The following ECSIT variants were observed in gnomAD, a reference collection of about 807,000 sequenced individuals.
ECSIT encodes the protein evolutionarily conserved signaling intermediate in Toll pathway, mitochondrial.
In ECSIT, 29 loss-of-function variants were observed where a neutral mutation model predicts 36.8. The observed-to-expected ratio is 0.79, with a 90% CI of 0.59 to 1.08. ECSIT has a LOEUF of 1.08. Among genes scored for constraint, ECSIT ranks in the 50% least tolerant of loss-of-function variants. The probability of loss-of-function intolerance (pLI) is 0.00; values close to 1 mark genes in which losing one functional copy is unlikely to be tolerated. For synonymous variants in ECSIT, 231 were observed against 234.8 expected, an observed-to-expected ratio of 0.98 and a Z score of 0.15; for missense variants, 542 against 581.0, an observed-to-expected ratio of 0.93 and a Z score of 0.69.
chr19:11,526,154 A>G (rs1972212058), intron 1 of ECSIT, among the ~76,000 whole-genome samples: 1 of 152,016 alleles, frequency 6.6e-6, no homozygotes, highest in Non-Finnish European at 1.5e-5. Context: ...TAGTACAGAC[A>G]GGGTTTCACC....
At chr19:11,523,416 T>C (rs1972148906) in intron 1 of ECSIT, 2 of 607,054 alleles carry the variant, frequency 3.3e-6, no homozygotes, top group Non-Finnish European at 5.6e-6. Flanking sequence ...AAGATTCAGC[T>C]TCACCCATAA....
intron 4 of ECSIT, among the ~76,000 whole-genome samples, chr19:11,510,330 C>T (rs975938805): frequency 1.5e-4 from 23 of 151,792 alleles, no homozygotes; most frequent in Non-Finnish European, 3.1e-4. Context: ...TGTGCACCAC[C>T]ACTCCCAGCT....
At position 11,519,237 on chromosome 19, in the gene ECSIT, T is replaced by A; in HGVS notation, c.-23-44A>T. The A allele has an allele frequency of 1.5e-6, 2 of 1,379,104 alleles. No individual in the cohort carries two copies. The highest frequency in any genetic ancestry group is 2.0e-6 in the Non-Finnish European group (2 of 999,548). The allele number at this position is 1,379,104 out of a possible 1,614,324, so 85.4% of individuals were successfully genotyped here. A position where few individuals can be genotyped will look rare whatever the true frequency, so the allele number is the denominator to read the frequency against. On this transcript the variant is annotated intron_variant, in intron 1 of 7. Transcript: ENST00000270517. This position sits in a 1 kb window ranked among gnomAD's most constrained non-coding sequence, Gnocchi z 4.4. ...CAGCATTAGCCTGGCACCTTACAGA[T>A]GCTAACAGACGCAAGGGCCCCGCAG...
rs1568399775 is a variant in ECSIT, at chr19:11,506,220, GTCT to G, written c.1257_1259del (p.Glu419del). 10 of 1,608,094 alleles carry G rather than the reference GTCT, an allele frequency of 6.2e-6. No individual in the cohort carries two copies. In the South Asian group the frequency reaches 8.8e-5, roughly 14 times the overall value. On this transcript the variant is annotated inframe_deletion, in exon 8 of 8. Transcript: ENST00000270517. Reference sequence around the variant, plus strand: ...CCTGCTGCTGTCGCTGCAGGTTGTCGTCTTCTTCCTGGTGGTCCTCGGGCAGGG... The same window carrying G: ...CCTGCTGCTGTCGCTGCAGGTTGTCGTCTTCCTGGTGGTCCTCGGGCAGGG...
chr19:11,506,091 A>T lies in ECSIT; in HGVS notation c.*93T>A. The T allele has an allele frequency of 6.5e-7, 1 of 1,534,840 alleles. No homozygotes were observed. The highest frequency in any genetic ancestry group is 1.2e-5 in the South Asian group (1 of 83,474). On this transcript the variant is annotated 3_prime_UTR_variant, in exon 8 of 8. Transcript: ENST00000270517. ...ATGAGGGAAGAGAGCCCCAAGCAGGAAAACATTGATTTGCTGTACACTCAA... is the reference window on the plus strand; with the variant it reads ...ATGAGGGAAGAGAGCCCCAAGCAGGTAAACATTGATTTGCTGTACACTCAA...
chr19:11,506,782 G>A (rs1196188904), intron 7 of ECSIT, among the ~76,000 whole-genome samples: 3 of 152,050 alleles, frequency 2.0e-5, no homozygotes, highest in Non-Finnish European at 4.4e-5. Flanking sequence ...TGATCTACCC[G>A]CCTCAGCCTC....
intron 1 of ECSIT, 110 bp downstream of exon 1, chr19:11,528,952 C>A (rs1972271229): frequency 6.6e-6 from 1 of 152,286 alleles, no homozygotes; most frequent in African/African-American, 2.4e-5. Context: ...GGTCATGGCG[C>A]CCTGGCCCTG....
At chr19:11,517,521 G>T (rs921535137) in intron 2 of ECSIT, among the ~76,000 whole-genome samples, 7 of 151,794 alleles carry the variant, frequency 4.6e-5, no homozygotes, top group African/African-American at 1.7e-4. Context: ...ACTTGAACCC[G>T]GGAGGCAGAG....
At chr19:11,521,550 T>C (rs1383940415) in intron 1 of ECSIT, among the ~76,000 whole-genome samples, 1 of 151,054 alleles carries the variant, frequency 6.6e-6, no homozygotes, top group African/African-American at 2.4e-5. Context: ...GCAGATCACC[T>C]GAGGCCAGGA....
chr19:11,525,687 A>G (rs1972199660), intron 1 of ECSIT: 1 of 149,522 alleles, frequency 6.7e-6, no homozygotes, highest in African/African-American at 2.5e-5. Flanking sequence ...TGATCACCTG[A>G]GGTCGGGAGT....
At chr19:11,508,383 A>ATTTTTTT (rs34929827) in intron 4 of ECSIT, among the ~76,000 whole-genome samples, 1 of 124,052 alleles carries the variant, frequency 8.1e-6, no homozygotes, top group African/African-American at 3.6e-5. Flanking sequence ...CTTAATTCCG[A>ATTTTTTT]TTTTTTTTTT....
chr19:11,513,820 C>T lies in ECSIT; in HGVS notation c.498G>A (p.Glu166=), dbSNP rs773076760. 57 of 1,614,066 alleles carry T rather than the reference C, an allele frequency of 3.5e-5. No individual in the cohort carries two copies. In the African/African-American group the frequency reaches 6.1e-4, roughly 17 times the overall value. ...TGGCCTCACCGTGGTTCTCCATCTG[C>T]TCCAGGACAGCAATCCCACACTCCT... The part of the protein sequence containing the change: ...RQQECGIAVL[E]QMENHGVMPN... The change falls in exon 3 of 8, where the codon GAG becomes GAA. Residue 166 remains glutamate (E), a synonymous_variant. Coordinates refer to ENST00000270517, the MANE Select transcript of ECSIT (RefSeq NM_016581.5).
At chr19:11,522,939 C>T (rs1025328751) in intron 1 of ECSIT, among the ~76,000 whole-genome samples, 2 of 151,226 alleles carry the variant, frequency 1.3e-5, no homozygotes, top group African/African-American at 4.9e-5. Flanking sequence ...GGCGTGGTGG[C>T]AGGCACCTGT....
rs1971721529 is a variant in ECSIT, at chr19:11,505,931, C to G, written c.*253G>C. 3.3e-6 allele frequency: 3 copies of G among 896,488 alleles called. No homozygotes were observed. The highest frequency in any genetic ancestry group is 4.8e-6 in the Non-Finnish European group (3 of 625,430). 55.5% of individuals were successfully genotyped at this position (896,488 alleles called of 1,614,324 possible). Reference sequence around the variant, plus strand: ...AGACCAAGAATGGAAACTGCGCATGCGCACAACCAACAGCGCTCCCGCCCC... The same window carrying G: ...AGACCAAGAATGGAAACTGCGCATGGGCACAACCAACAGCGCTCCCGCCCC... On this transcript the variant is annotated 3_prime_UTR_variant, in exon 8 of 8. Coordinates refer to ENST00000270517, the MANE Select transcript of ECSIT (RefSeq NM_016581.5).
In ECSIT at chr19:11,507,864, A is replaced by G; in HGVS notation, c.797-14T>C. On this transcript the variant is annotated splice_polypyrimidine_tract_variant and intron_variant, in intron 5 of 7. Transcript: ENST00000270517. ...GACTCTGGATTCCTGGTGTGGAGAC[A>G]TACATGCCCTGTGCCCTGCAAGGGA... is the stretch of plus-strand genomic sequence containing the variant. 6.2e-7 allele frequency: 1 copy of G among 1,613,732 alleles called. No homozygotes were observed. The highest frequency in any genetic ancestry group is 1.1e-5 in the South Asian group (1 of 91,082).
At chr19:11,524,997 C>A (rs1374164578) in intron 1 of ECSIT, among the ~76,000 whole-genome samples, 1 of 151,788 alleles carries the variant, frequency 6.6e-6, no homozygotes, top group Non-Finnish European at 1.5e-5. Flanking sequence ...ATTAGCGGGA[C>A]AGGGTGGCGG....
At chr19:11,524,412 C>T (rs1972170189) in intron 1 of ECSIT, among the ~76,000 whole-genome samples, 1 of 152,042 alleles carries the variant, frequency 6.6e-6, no homozygotes, top group Admixed American at 6.6e-5. Context: ...GTCCCAGTTA[C>T]TCGGGAGGCT....
intron 1 of ECSIT, among the ~76,000 whole-genome samples, chr19:11,524,389 GC>G (rs1011780093): frequency 1.3e-5 from 2 of 152,104 alleles, no homozygotes; most frequent in Non-Finnish European, 2.9e-5. Context: ...GGGCGTGGTG[GC>G]AGGCGCCTGT....
intron 1 of ECSIT, among the ~76,000 whole-genome samples, chr19:11,528,414 G>A (rs755944994): frequency 5.9e-5 from 9 of 152,122 alleles, no homozygotes; most frequent in South Asian, 2.1e-4. Flanking sequence ...ACTACGCCCA[G>A]ATAATTTTTT....
Sources: allele counts gnomAD v4.1 joint callset (sites outside exome capture counted in the v4.1 genomes callset), GRCh38; gene constraint gnomAD v4.1.1; non-coding constraint Gnocchi (gnomAD v3.1); transcripts MANE v1.5; gene names NCBI Gene and HGNC (gene_info 2026-07-23, HGNC 2026-07-21).